The following DENND4C variants were observed in gnomAD, a reference collection of about 807,000 sequenced individuals.
The protein encoded by DENND4C is DENN domain containing 4C, also known as DENN domain-containing protein 4C.
A neutral mutation model predicts 203.0 loss-of-function variants in DENND4C; 108 were observed. The ratio of observed to expected loss-of-function variants is 0.53; its 90% CI spans 0.46 to 0.62. The LOEUF is 0.62. Among genes scored for constraint, DENND4C ranks in the 20% least tolerant of loss-of-function variants. DENND4C has a pLI of 0.00. For synonymous variants in DENND4C, 871 were observed against 792.4 expected, an observed-to-expected ratio of 1.10 and a Z score of -1.67; for missense variants, 2,481 against 2,301.2, an observed-to-expected ratio of 1.08 and a Z score of -1.60.
At position 19,352,311 on chromosome 9, in the gene DENND4C, C is replaced by T. The variant is rs1034479277; in HGVS notation, c.4605+129C>T. 5 of 1,041,508 alleles carry T rather than the reference C, an allele frequency of 4.8e-6. No individual in the cohort carries two copies. In the Admixed American group the frequency reaches 8.2e-5, roughly 17 times the overall value. 64.5% of individuals were successfully genotyped at this position (1,041,508 alleles called of 1,614,324 possible). Reference sequence around the variant, plus strand: ...AAAATAAGTCATTTTGTTGAATTTGCTTGATGTCTTATGTAAGTAAGACAT... The same window carrying T: ...AAAATAAGTCATTTTGTTGAATTTGTTTGATGTCTTATGTAAGTAAGACAT... On this transcript the variant is annotated intron_variant, in intron 25 of 32. Coordinates refer to ENST00000434457, the MANE Select transcript of DENND4C (RefSeq NM_001330640.2).
chr9:19,235,580 TATTATCTGTTGG>T lies in DENND4C; in HGVS notation c.-18+4748_-18+4759del, dbSNP rs1564071283. ...ACCTAATTATCTACCAATCCAGATT[TATTATCTGTTGG>T]TTTACAGAAGAGTCATCTTTTTTTT... On this transcript the variant is annotated intron_variant, in intron 1 of 32. Transcript: ENST00000434457. Among the ~76,000 whole-genome samples, 182 of 151,518 alleles carry T rather than the reference TATTATCTGTTGG, an allele frequency of 1.2e-3. 3 individuals carry two copies. The highest frequency in any genetic ancestry group is 3.4e-3 in the Middle Eastern group (1 of 290).
At chr9:19,285,103 A>G (rs111594439) in intron 2 of DENND4C, among the ~76,000 whole-genome samples, 103 of 152,272 alleles carry the variant, frequency 6.8e-4, no homozygotes, top group African/African-American at 2.4e-3. Flanking sequence ...CCAAATAACA[A>G]TCCAGTTATC....
intron 10 of DENND4C, among the ~76,000 whole-genome samples, chr9:19,311,882 A>G (rs1563790682): frequency 6.6e-6 from 1 of 152,210 alleles, no homozygotes; most frequent in Non-Finnish European, 1.5e-5. Flanking sequence ...ATCTGGCAAC[A>G]TTTGTCAAAA....
At chr9:19,298,002 T>G in intron 6 of DENND4C, 54 bp from the exon 7 acceptor site, 1 of 1,359,990 alleles carries the variant, frequency 7.4e-7, no homozygotes, top group Admixed American at 1.9e-5. Context: ...TGTTAAAAAC[T>G]GTGATGCATT....
chr9:19,337,588 G>A (rs1400368027), intron 20 of DENND4C: 2 of 1,259,516 alleles, frequency 1.6e-6, no homozygotes, highest in African/African-American at 1.5e-5. Flanking sequence ...GGCTGTCATG[G>A]TGTGGGGTGC....
intron 30 of DENND4C, among the ~76,000 whole-genome samples, chr9:19,367,870 TAGAAG>T (rs2132313445): frequency 6.6e-6 from 1 of 152,336 alleles, no homozygotes; most frequent in Admixed American, 6.5e-5. Flanking sequence ...GAAACCACTC[TAGAAG>T]AGAAACCAGT....
At chr9:19,357,547 A>C (rs990306956) in intron 27 of DENND4C, 4 of 211,004 alleles carry the variant, frequency 1.9e-5, no homozygotes, top group African/African-American at 9.3e-5. Context: ...AAAATAAAAA[A>C]GTAAATATGA....
At chr9:19,314,190 C>T (rs1322229027) in intron 10 of DENND4C, among the ~76,000 whole-genome samples, 1 of 152,168 alleles carries the variant, frequency 6.6e-6, no homozygotes, top group African/African-American at 2.4e-5. Flanking sequence ...CGCAGTGGCT[C>T]ATGCCTGTAG....
intron 12 of DENND4C, among the ~76,000 whole-genome samples, chr9:19,318,719 G>T (rs1362820938): frequency 6.6e-6 from 1 of 152,182 alleles, no homozygotes; most frequent in Non-Finnish European, 1.5e-5. Context: ...TCTTCCTTCA[G>T]TGTTTGTTTT....
In DENND4C at chr9:19,324,487, T is replaced by G. The variant is rs1455434391; in HGVS notation, c.1933T>G (p.Phe645Val). Residue 645 changes from phenylalanine (F) to valine (V), a missense_variant, in exon 13 of 33, where the codon TTT (phenylalanine) becomes GTT (valine). Coordinates refer to ENST00000434457, the MANE Select transcript of DENND4C (RefSeq NM_001330640.2). ...TGATAAAGATACTGGATTAGCATTT[T>G]TTGATGACTGCATAGAAAAGGTAAA... The part of the protein sequence containing the change: ...VSDKDTGLAF[F>V]DDCIEKLFPD... 2 of 1,606,896 alleles carry G rather than the reference T, an allele frequency of 1.2e-6. No homozygotes were observed. The highest frequency in any genetic ancestry group is 8.5e-7 in the Non-Finnish European group (1 of 1,178,514).
At chr9:19,367,078 A>G (rs913950057) in intron 30 of DENND4C, among the ~76,000 whole-genome samples, 1 of 152,242 alleles carries the variant, frequency 6.6e-6, no homozygotes, top group Non-Finnish European at 1.5e-5. Context: ...TCAAATGGCC[A>G]AAAGCTCATG....
chr9:19,271,616 A>T (rs112155662), intron 1 of DENND4C, among the ~76,000 whole-genome samples: 1 of 152,182 alleles, frequency 6.6e-6, no homozygotes, highest in African/African-American at 2.4e-5. Context: ...CTGTAATCCC[A>T]GCACTTTGGG....
intron 1 of DENND4C, among the ~76,000 whole-genome samples, chr9:19,252,708 T>A (rs200630555): frequency 1.2e-5 from 1 of 81,144 alleles, no homozygotes; most frequent in Admixed American, 1.7e-4. Flanking sequence ...AATCAGCGTG[T>A]GTATACACAC....
chr9:19,306,110 C>A (rs1839599076), intron 10 of DENND4C, among the ~76,000 whole-genome samples: 1 of 152,092 alleles, frequency 6.6e-6, no homozygotes. Flanking sequence ...AGAAATAGTT[C>A]TGGATGGATG....
intron 16 of DENND4C, among the ~76,000 whole-genome samples, chr9:19,328,517 G>A (rs1818326108): frequency 6.6e-6 from 1 of 151,978 alleles, no homozygotes; most frequent in African/African-American, 2.4e-5. Flanking sequence ...GGAGGCTAAG[G>A]CAGGAGAATC....
intron 18 of DENND4C, among the ~76,000 whole-genome samples, chr9:19,335,821 G>T (rs1369037380): frequency 6.6e-6 from 1 of 152,072 alleles, no homozygotes. Context: ...ATAAACATGG[G>T]AGTACAGATC....
chr9:19,357,879 G>T, intron 27 of DENND4C, 86 bp from the exon 28 acceptor site: 5 of 1,060,550 alleles, frequency 4.7e-6, no homozygotes, highest in Non-Finnish European at 6.6e-6. Flanking sequence ...GTAGACTCAA[G>T]GTCCATTGTA....
At chr9:19,244,292 A>T (rs1176124586) in intron 1 of DENND4C, among the ~76,000 whole-genome samples, 1 of 152,078 alleles carries the variant, frequency 6.6e-6, no homozygotes, top group Admixed American at 6.5e-5. Flanking sequence ...TGGCCTCCCA[A>T]AGTGCTGGGA....
chr9:19,256,081 A>T (rs1419812700), intron 1 of DENND4C, among the ~76,000 whole-genome samples: 1 of 150,544 alleles, frequency 6.6e-6, no homozygotes, highest in African/African-American at 2.5e-5. Context: ...CTGCAAAAAA[A>T]TAAATGAAAA....
Sources: gnomAD v4.1 joint callset for allele counts (sites outside exome capture counted in the v4.1 genomes callset) on GRCh38, gnomAD v4.1.1 for gene constraint, MANE v1.5 for transcripts, NCBI Gene and HGNC (gene_info 2026-07-23, HGNC 2026-07-21) for gene names.